The following DOCK4 variants were observed in gnomAD, a reference collection of about 807,000 sequenced individuals.
DOCK4 encodes dedicator of cytokinesis protein 4.
In DOCK4, 97 loss-of-function variants were observed where a neutral mutation model predicts 268.1. The ratio of observed to expected loss-of-function variants is 0.36; its 90% CI spans 0.31 to 0.43. The LOEUF (loss-of-function observed/expected upper bound fraction) is 0.43. Among genes scored for constraint, DOCK4 ranks in the 20% least tolerant of loss-of-function variants. The probability of loss-of-function intolerance (pLI) is 1.00; values close to 1 mark genes in which losing one functional copy is unlikely to be tolerated. For synonymous variants in DOCK4, 954 were observed against 887.2 expected, an observed-to-expected ratio of 1.08 and a Z score of -1.34; for missense variants, 2,145 against 2,455.7, an observed-to-expected ratio of 0.87 and a Z score of 2.67.
intron 8 of DOCK4, among the ~76,000 whole-genome samples, chr7:111,961,208 C>G (rs897149414): frequency 1.1e-4 from 16 of 152,198 alleles, no homozygotes; most frequent in Admixed American, 9.8e-4. Context: ...GCCACAAACC[C>G]AAAGTCTCTT....
intron 1 of DOCK4, among the ~76,000 whole-genome samples, chr7:112,179,222 T>C (rs1044728479): frequency 5.3e-5 from 8 of 152,046 alleles, no homozygotes; most frequent in African/African-American, 1.9e-4. Context: ...CCCCTGTCTC[T>C]ACAAAAAATA....
chr7:112,145,453 G>C (rs1048314332), intron 1 of DOCK4, among the ~76,000 whole-genome samples: 2 of 152,184 alleles, frequency 1.3e-5, no homozygotes, highest in Non-Finnish European at 2.9e-5. Flanking sequence ...ATGTTGTTTG[G>C]GAAAAGGGCC....
intron 24 of DOCK4, among the ~76,000 whole-genome samples, chr7:111,845,681 T>C (rs908816768): frequency 2.6e-5 from 4 of 152,204 alleles, no homozygotes; most frequent in Non-Finnish European, 5.9e-5. Context: ...GATTTTATGA[T>C]AAATTTTCTT....
At chr7:112,082,175 C>T (rs964933215) in intron 1 of DOCK4, among the ~76,000 whole-genome samples, 2 of 151,958 alleles carry the variant, frequency 1.3e-5, no homozygotes. Flanking sequence ...AATATTGAAC[C>T]TGAAAAACTT....
intron 16 of DOCK4, among the ~76,000 whole-genome samples, chr7:111,887,378 G>A (rs1807931816): frequency 6.6e-6 from 1 of 152,144 alleles, no homozygotes; most frequent in South Asian, 2.1e-4. Flanking sequence ...GGATGAGATG[G>A]ATCTAGAGAG....
intron 30 of DOCK4, among the ~76,000 whole-genome samples, chr7:111,799,596 C>T (rs1800125493): frequency 1.3e-5 from 2 of 152,112 alleles, no homozygotes. Flanking sequence ...CCCTGACAGC[C>T]CAGAGGAATG....
chr7:111,779,980 C>T (rs984383357), intron 35 of DOCK4, among the ~76,000 whole-genome samples: 6 of 152,154 alleles, frequency 3.9e-5, no homozygotes, highest in East Asian at 1.9e-4. Context: ...AAGGGGAAAT[C>T]GGTGATGAGG....
At position 111,994,130 on chromosome 7, in the gene DOCK4, T is replaced by C; in HGVS notation, c.315+5A>G. ...AAAAATCGTGTCATTAAAAAGCTAC[T>C]TAACCACATAGAGTTGTTTCCACAT... On this transcript the variant is annotated splice_donor_5th_base_variant and intron_variant, in intron 5 of 52. Transcript: ENST00000428084. 1 of 1,572,788 alleles carries C rather than the reference T, an allele frequency of 6.4e-7. No individual in the cohort carries two copies. The highest frequency in any genetic ancestry group is 8.6e-7 in the Non-Finnish European group (1 of 1,156,598).
intron 42 of DOCK4, among the ~76,000 whole-genome samples, chr7:111,748,150 G>A (rs912413250): frequency 6.6e-6 from 1 of 152,142 alleles, no homozygotes; most frequent in Non-Finnish European, 1.5e-5. Flanking sequence ...TGAAGAGAAG[G>A]TCTGCCAAGC....
In DOCK4 at chr7:111,854,364, C is replaced by T. The variant is rs535708429; in HGVS notation, c.2474-7238G>A. On this transcript the variant is annotated intron_variant, in intron 23 of 52. Transcript: ENST00000428084. ...CATTCTAATTACCAGTGCATGCAGCCCCCTGCCTGCTCAATCGATCACGAC... is the reference window on the plus strand; with the variant it reads ...CATTCTAATTACCAGTGCATGCAGCTCCCTGCCTGCTCAATCGATCACGAC... 7.9e-5 allele frequency among the ~76,000 whole-genome samples: 12 copies of T among 152,300 alleles called. No individual in the cohort carries two copies. In the South Asian group the frequency reaches 1.2e-3, roughly 16 times the overall value.
intron 1 of DOCK4, among the ~76,000 whole-genome samples, chr7:112,179,429 T>C (rs1334673706): frequency 6.6e-6 from 1 of 151,618 alleles, no homozygotes; most frequent in African/African-American, 2.4e-5. Flanking sequence ...GTGAACTCTC[T>C]AGTAGCATTG....
intron 1 of DOCK4, among the ~76,000 whole-genome samples, chr7:112,082,935 A>G (rs1808734939): frequency 6.6e-6 from 1 of 152,142 alleles, no homozygotes; most frequent in African/African-American, 2.4e-5. Context: ...AATAAAAACC[A>G]CTTTATTACT....
chr7:111,764,508 A>G (rs1332672714), intron 39 of DOCK4, among the ~76,000 whole-genome samples: 1 of 152,244 alleles, frequency 6.6e-6, no homozygotes. Context: ...TGAAGTATTC[A>G]ATAAATATTC....
chr7:111,903,391 T>C (rs1042378325), intron 13 of DOCK4, among the ~76,000 whole-genome samples: 3 of 152,250 alleles, frequency 2.0e-5, no homozygotes, highest in African/African-American at 7.2e-5. Flanking sequence ...TCTAGTACTC[T>C]TATACAGCTC....
At chr7:111,994,834 CT>C (rs1799799403) in intron 4 of DOCK4, among the ~76,000 whole-genome samples, 1 of 152,110 alleles carries the variant, frequency 6.6e-6, no homozygotes, top group African/African-American at 2.4e-5. Flanking sequence ...GAACTTATGG[CT>C]TATGACATCA....
chr7:112,048,087 A>G (rs763045627), intron 1 of DOCK4, among the ~76,000 whole-genome samples: 131 of 152,308 alleles, frequency 8.6e-4, no homozygotes, highest in Admixed American at 3.1e-3. Context: ...AGGGGCAGGG[A>G]CAAAGAAAGC....
Position 112,202,764 on chromosome 7 carries a change from T to TA in DOCK4, c.37+3337dup, listed in dbSNP as rs879426908. On this transcript the variant is annotated intron_variant, in intron 1 of 52. Coordinates refer to ENST00000428084, the MANE Select transcript of DOCK4 (RefSeq NM_001363540.2). ...ACAGAGCAAAACCCTGTCTCTAAAT[T>TA]AAAAAAAAAAAAATGAAAACTTAAA... Among the ~76,000 whole-genome samples the TA allele has an allele frequency of 1.5e-3, 208 of 140,320 alleles. 1 individual carries two copies. Among genetic ancestry groups the TA allele is most frequent in the Middle Eastern group, 3.6e-3 (1 of 276 alleles). The allele number at this position is 140,320 out of a possible 152,430, so 92.1% of individuals were successfully genotyped here. A position where few individuals can be genotyped will look rare whatever the true frequency, so the allele number is the denominator to read the frequency against.
At chr7:111,912,832 T>G (rs185953957) in intron 13 of DOCK4, among the ~76,000 whole-genome samples, 18 of 152,238 alleles carry the variant, frequency 1.2e-4, no homozygotes, top group Admixed American at 2.6e-4. Context: ...TAGTGGTTCA[T>G]TACTAAATAA....
At chr7:112,005,452 G>A (rs1800778019) in intron 1 of DOCK4, among the ~76,000 whole-genome samples, 1 of 152,176 alleles carries the variant, frequency 6.6e-6, no homozygotes, top group Non-Finnish European at 1.5e-5. Context: ...ATTTAGCCAA[G>A]CACTAATTTA....
Sources: allele counts gnomAD v4.1 joint callset (sites outside exome capture counted in the v4.1 genomes callset), GRCh38; gene constraint gnomAD v4.1.1; transcripts MANE v1.5; gene names NCBI Gene and HGNC (gene_info 2026-07-23, HGNC 2026-07-21).